The following PTPN1 variants were observed in gnomAD, a reference collection of about 807,000 sequenced individuals.
The protein encoded by PTPN1 is protein tyrosine phosphatase non-receptor type 1, also known as tyrosine-protein phosphatase non-receptor type 1.
A neutral mutation model predicts 59.9 loss-of-function variants in PTPN1; 12 were observed. The observed-to-expected ratio is 0.20, with a 90% CI of 0.13 to 0.32. The LOEUF is 0.32. Among genes scored for constraint, PTPN1 ranks in the 10% least tolerant of loss-of-function variants. The pLI is 1.00. For missense variants in PTPN1, 356 were observed against 549.2 expected (o/e 0.65, Z 3.52); for synonymous variants, 178 against 203.6 (o/e 0.87, Z 1.07).
intron 3 of PTPN1, 67 bp downstream of exon 3, chr20:50,565,136 C>A: frequency 6.8e-7 from 1 of 1,470,748 alleles, no homozygotes; most frequent in Non-Finnish European, 9.2e-7. Flanking sequence ...GTTATCCACA[C>A]CTCAAATAAA....
At chr20:50,572,764 T>C (rs181422292) in intron 4 of PTPN1, 5 of 152,342 alleles carry the variant, frequency 3.3e-5, no homozygotes, top group African/African-American at 1.2e-4. Flanking sequence ...GTGGGATTAA[T>C]TCATCTTTTC....
At chr20:50,546,884 A>G (rs772783504) in intron 1 of PTPN1, among the ~76,000 whole-genome samples, 1 of 152,200 alleles carries the variant, frequency 6.6e-6, no homozygotes, top group African/African-American at 2.4e-5. Context: ...TCCTTAGTCA[A>G]CTGTACCACT....
At chr20:50,580,234 G>T (rs1017592417) in intron 8 of PTPN1, among the ~76,000 whole-genome samples, 3 of 152,138 alleles carry the variant, frequency 2.0e-5, no homozygotes, top group Non-Finnish European at 2.9e-5. Flanking sequence ...TGACGACAGC[G>T]CCCTCCCCCA....
rs750431969 is a variant in PTPN1 at position 50,578,440 on chromosome 20, C to G, written c.513C>G (p.Ile171Met). 7 of 1,613,904 alleles carry G rather than the reference C, an allele frequency of 4.3e-6. No individual in the cohort carries two copies. Among genetic ancestry groups the G allele is most frequent in the Non-Finnish European group, 5.9e-6 (7 of 1,179,872 alleles). ...TTCAGACCCAAGAAACTCGAGAGAT[C>G]TTACATTTCCACTATACCACATGGC... is the stretch of plus-strand genomic sequence containing the variant. ...ENLTTQETRE[I>M]LHFHYTTWPD... The change falls in exon 6 of 10, where the codon ATC (isoleucine) becomes ATG (methionine). Residue 171 changes from isoleucine to methionine, a missense_variant. Physicochemically the swap from Ile to Met is conservative, Grantham distance 10. Coordinates refer to ENST00000371621, the MANE Select transcript of PTPN1 (RefSeq NM_002827.4).
At chr20:50,542,265 C>T (rs2082656454) in intron 1 of PTPN1, among the ~76,000 whole-genome samples, 1 of 152,104 alleles carries the variant, frequency 6.6e-6, no homozygotes, top group East Asian at 1.9e-4. Context: ...ATCTTGTCTT[C>T]TTAAACAAGA....
Position 50,581,283 on chromosome 20 carries a change from A to T in PTPN1, c.1107A>T (p.Glu369Asp). The T allele has an allele frequency of 6.2e-7, 1 of 1,611,642 alleles. No homozygotes were observed. The highest frequency in any genetic ancestry group is 1.7e-5 in the Admixed American group (1 of 59,926). The change falls in exon 9 of 10, where the codon GAA becomes GAT. Residue 369 changes from glutamate to aspartate, a missense_variant. Glu to Asp is a conservative substitution (Grantham distance 45, BLOSUM62 2). This residue lies in a region of PTPN1 where 62 missense variants were observed against 97.2 expected (regional missense o/e 0.64). Coordinates refer to ENST00000371621, the MANE Select transcript of PTPN1 (RefSeq NM_002827.4). ...TCCTCAGCATGAGTCAAGACACTGAAGTTAGAAGTCGGGTCGTGGGGGGAA... is the reference window on the plus strand; with the variant it reads ...TCCTCAGCATGAGTCAAGACACTGATGTTAGAAGTCGGGTCGTGGGGGGAA... ...YGIESMSQDTEVRSRVVGGSL... is the reference protein window; with the variant it reads ...YGIESMSQDTDVRSRVVGGSL...
intron 1 of PTPN1, among the ~76,000 whole-genome samples, chr20:50,523,085 C>G (rs2082558358): frequency 6.6e-6 from 1 of 152,024 alleles, no homozygotes; most frequent in Non-Finnish European, 1.5e-5. Flanking sequence ...TATTTTTAGT[C>G]TCTATGCCTT....
chr20:50,544,347 G>A (rs535421112), intron 1 of PTPN1, among the ~76,000 whole-genome samples: 1 of 151,252 alleles, frequency 6.6e-6, no homozygotes, highest in South Asian at 2.1e-4. Context: ...GTAGAGATGA[G>A]GTTTCACCAT....
chr20:50,517,049 A>G (rs937768121), intron 1 of PTPN1, among the ~76,000 whole-genome samples: 4 of 152,192 alleles, frequency 2.6e-5, no homozygotes, highest in African/African-American at 9.7e-5. Context: ...AATCATGAGT[A>G]TCTTGCTGAC....
At chr20:50,511,744 G>T (rs906277417) in intron 1 of PTPN1, among the ~76,000 whole-genome samples, 4 of 152,200 alleles carry the variant, frequency 2.6e-5, no homozygotes, top group Admixed American at 2.0e-4. Flanking sequence ...GGGTTGTTAA[G>T]ATTAACTAAA....
In PTPN1 at chr20:50,579,775, C is replaced by T. The variant is rs776371372; in HGVS notation, c.937C>T (p.Pro313Ser). ...PEHIPPPPRP[P>S]KRILEPHNGK... ...GCATATCCCCCCACCTCCCCGGCCA[C>T]CCAAACGAATCCTGGAGCCACACAA... Residue 313 changes from proline (P) to serine (S), a missense_variant, in exon 8 of 10, where the codon CCC becomes TCC. Around this residue, in one of 3 missense-constraint regions of PTPN1, gnomAD observed 100 missense variants for 107.7 expected, o/e 0.93. Transcript: ENST00000371621. 19 of 1,613,818 alleles carry T rather than the reference C, an allele frequency of 1.2e-5. No homozygotes were observed. In the South Asian group the frequency reaches 2.0e-4, roughly 17 times the overall value.
chr20:50,564,729 T>G (rs984963778), intron 2 of PTPN1, among the ~76,000 whole-genome samples: 5 of 152,218 alleles, frequency 3.3e-5, no homozygotes, highest in African/African-American at 1.2e-4. Flanking sequence ...ACATGATCCA[T>G]GTTTTAATAT....
At chr20:50,537,732 T>C (rs2082630333) in intron 1 of PTPN1, among the ~76,000 whole-genome samples, 1 of 152,214 alleles carries the variant, frequency 6.6e-6, no homozygotes, top group South Asian at 2.1e-4. Flanking sequence ...TTGTACTTTA[T>C]AAGCCTGTTG....
intron 1 of PTPN1, among the ~76,000 whole-genome samples, chr20:50,558,710 T>C (rs534452076): frequency 2.6e-5 from 4 of 152,294 alleles, no homozygotes; most frequent in African/African-American, 9.6e-5. Flanking sequence ...TTTCCTCTAG[T>C]AGTTTTGTTA....
intron 1 of PTPN1, among the ~76,000 whole-genome samples, chr20:50,520,247 T>C (rs1324850714): frequency 3.3e-5 from 5 of 151,922 alleles, no homozygotes; most frequent in Admixed American, 1.3e-4. Context: ...GGTACATGCC[T>C]GTAATCCCAG....
intron 2 of PTPN1, chr20:50,563,180 A>T (rs941290374): frequency 6.7e-6 from 1 of 150,234 alleles, no homozygotes; most frequent in Non-Finnish European, 1.5e-5. Context: ...CACTCCTCTT[A>T]TCTTCCTCCC....
chr20:50,547,589 C>T (rs570161129), intron 1 of PTPN1, among the ~76,000 whole-genome samples: 2 of 152,270 alleles, frequency 1.3e-5, no homozygotes, highest in African/African-American at 2.4e-5. Context: ...GTCTCAAACT[C>T]CTGACCTTGT....
chr20:50,541,567 C>G (rs966896768), intron 1 of PTPN1, among the ~76,000 whole-genome samples: 5 of 152,248 alleles, frequency 3.3e-5, no homozygotes, highest in Admixed American at 2.6e-4. Flanking sequence ...TTTCTAAGAG[C>G]CTGGGCAAAC....
At chr20:50,536,643 A>G (rs1448289418) in intron 1 of PTPN1, among the ~76,000 whole-genome samples, 4 of 152,328 alleles carry the variant, frequency 2.6e-5, no homozygotes, top group Middle Eastern at 3.4e-3. Context: ...CCATTTCCTT[A>G]AGTTAATGTT....
Sources: allele counts gnomAD v4.1 joint callset (sites outside exome capture counted in the v4.1 genomes callset), GRCh38; gene constraint gnomAD v4.1.1; regional missense constraint gnomAD v4.1.1; transcripts MANE v1.5; gene names NCBI Gene and HGNC (gene_info 2026-07-23, HGNC 2026-07-21).